EML1: variants seen among roughly 807,000 people sequenced by gnomAD.
EML1 encodes echinoderm microtubule-associated protein-like 1.
A neutral mutation model predicts 110.4 loss-of-function variants in EML1; 27 were observed. The ratio of observed to expected loss-of-function variants is 0.24; its 90% CI spans 0.18 to 0.34. The LOEUF (loss-of-function observed/expected upper bound fraction) is 0.34, where lower values mean the gene tolerates loss of function less well. EML1 is among the 10% of genes least tolerant of loss of function. EML1 has a pLI of 1.00. For synonymous variants in EML1, 344 were observed against 385.8 expected (o/e 0.89, Z 1.27); for missense variants, 741 against 1,030.9 (o/e 0.72, Z 3.85).
At chr14:99,878,736 G>C in intron 4 of EML1, 117 bp downstream of exon 4, 1 of 1,415,820 alleles carries the variant, frequency 7.1e-7, no homozygotes, top group South Asian at 1.4e-5. Context: ...TCTTGGAGAA[G>C]AAGACCTTCT....
intron 1 of EML1, among the ~76,000 whole-genome samples, chr14:99,778,710 T>A (rs2057508785): frequency 6.6e-6 from 1 of 152,262 alleles, no homozygotes; most frequent in African/African-American, 2.4e-5. Flanking sequence ...AATGTCTTTA[T>A]TCCACTTGCA....
intron 1 of EML1, among the ~76,000 whole-genome samples, chr14:99,806,061 A>G (rs996287873): frequency 2.6e-5 from 4 of 152,132 alleles, no homozygotes; most frequent in Admixed American, 2.6e-4. Context: ...GAATCACACA[A>G]TATTTGTCTT....
intron 17 of EML1, among the ~76,000 whole-genome samples, chr14:99,924,067 G>A (rs750247522): frequency 4.3e-4 from 65 of 152,320 alleles, no homozygotes; most frequent in Non-Finnish European, 6.9e-4. Context: ...CTCTTATCAT[G>A]AGCAAAGACT....
intron 6 of EML1, among the ~76,000 whole-genome samples, chr14:99,895,429 G>T (rs571359890): frequency 6.6e-6 from 1 of 152,192 alleles, no homozygotes; most frequent in East Asian, 1.9e-4. Context: ...AGGGACAGAT[G>T]GAAAACTAGG....
chr14:99,775,754 C>T lies in EML1; in HGVS notation c.-27+1741C>T, dbSNP rs1404136469. 3.9e-5 allele frequency among the ~76,000 whole-genome samples: 6 copies of T among 152,166 alleles called. No homozygotes were observed. In the East Asian group the frequency reaches 1.2e-3, roughly 29 times the overall value. ...TATTTTACTTCACATGATTTTTGCA[C>T]CAATTTGAAAGGCGTGCCTAAGATA... On this transcript the variant is annotated intron_variant, in intron 1 of 22. Coordinates refer to the EML1 transcript ENST00000327921.
At chr14:99,852,660 A>G (rs2058831792) in intron 2 of EML1, among the ~76,000 whole-genome samples, 1 of 152,252 alleles carries the variant, frequency 6.6e-6, no homozygotes, top group Non-Finnish European at 1.5e-5. Context: ...TTAACAAATT[A>G]TTTCACAGTT....
At chr14:99,871,958 C>T (rs1293457306) in intron 3 of EML1, among the ~76,000 whole-genome samples, 1 of 152,166 alleles carries the variant, frequency 6.6e-6, no homozygotes, top group Admixed American at 6.5e-5. Context: ...CCATTGTGCT[C>T]GGCTGCTTCC....
intron 1 of EML1, among the ~76,000 whole-genome samples, chr14:99,810,240 T>G (rs1484920361): frequency 6.6e-6 from 1 of 152,220 alleles, no homozygotes; most frequent in Non-Finnish European, 1.5e-5. Context: ...TCCAGGCCCA[T>G]GAAAACAAAG....
At chr14:99,860,351 T>C (rs1297759912) in intron 2 of EML1, among the ~76,000 whole-genome samples, 1 of 152,210 alleles carries the variant, frequency 6.6e-6, no homozygotes, top group Non-Finnish European at 1.5e-5. Context: ...TCCATTTACC[T>C]TAGCACATGA....
At chr14:99,903,402 A>T (rs2059791877) in intron 9 of EML1, among the ~76,000 whole-genome samples, 1 of 152,164 alleles carries the variant, frequency 6.6e-6, no homozygotes, top group African/African-American at 2.4e-5. Flanking sequence ...TTAAAGGCCT[A>T]TATCTGATTA....
chr14:99,804,194 C>A (rs1188536951), intron 1 of EML1, among the ~76,000 whole-genome samples: 1 of 152,120 alleles, frequency 6.6e-6, no homozygotes, highest in Non-Finnish European at 1.5e-5. Context: ...TATAAAAATA[C>A]GTGTTCAGAT....
intron 1 of EML1, among the ~76,000 whole-genome samples, chr14:99,756,761 G>T (rs990981014): frequency 6.6e-6 from 1 of 152,032 alleles, no homozygotes; most frequent in South Asian, 2.1e-4. Flanking sequence ...TGTGATTCCC[G>T]TGCCCCCAGC....
At chr14:99,738,060 A>G (rs929460630) in intron 1 of EML1, among the ~76,000 whole-genome samples, 1 of 152,108 alleles carries the variant, frequency 6.6e-6, no homozygotes, top group Non-Finnish European at 1.5e-5. Flanking sequence ...ACACCCCCTG[A>G]CTGCCCAGTG....
intron 17 of EML1, among the ~76,000 whole-genome samples, chr14:99,927,152 T>C (rs1184740215): frequency 2.6e-5 from 4 of 152,226 alleles, no homozygotes; most frequent in Non-Finnish European, 5.9e-5. Flanking sequence ...GTTCCAGTTT[T>C]CAATTTACTT....
intron 1 of EML1, among the ~76,000 whole-genome samples, chr14:99,759,719 C>T (rs2057293783): frequency 6.6e-6 from 1 of 152,228 alleles, no homozygotes; most frequent in South Asian, 2.1e-4. Flanking sequence ...TTCCTGTCTC[C>T]AGCCTGTGCT....
At position 99,808,303 on chromosome 14, in the gene EML1, G is replaced by A. The variant is rs148916687; in HGVS notation, c.67+14760G>A. ...AGTTTGTCTCCAGTACATTCTTGTT[G>A]AATGAAAAATCAGATGCTGAAATTA... On this transcript the variant is annotated intron_variant, in intron 1 of 21. Coordinates refer to ENST00000262233, the MANE Select transcript of EML1 (RefSeq NM_004434.3). Among the ~76,000 whole-genome samples, 164 of 152,280 alleles carry A rather than the reference G, an allele frequency of 1.1e-3. 3 individuals are homozygous for A. Among genetic ancestry groups the A allele is most frequent in the South Asian group, 3.9e-3 (19 of 4,818 alleles).
intron 17 of EML1, among the ~76,000 whole-genome samples, chr14:99,931,784 A>G (rs940661767): frequency 6.6e-6 from 1 of 152,142 alleles, no homozygotes; most frequent in African/African-American, 2.4e-5. Context: ...TTGTTTTTAT[A>G]TATTTATGGA....
At chr14:99,913,180 T>TTAA (rs2059974469) in intron 13 of EML1, among the ~76,000 whole-genome samples, 2 of 151,920 alleles carry the variant, frequency 1.3e-5, no homozygotes, top group Non-Finnish European at 1.5e-5. Context: ...ATTATTATTA[T>TTAA]TATTAATTAT....
chr14:99,744,961 T>C (rs1000543656), intron 1 of EML1, among the ~76,000 whole-genome samples: 1 of 152,226 alleles, frequency 6.6e-6, no homozygotes, highest in Non-Finnish European at 1.5e-5. Flanking sequence ...GGGGAAATGA[T>C]GAGAAGAGCG....
Sources: gnomAD v4.1 joint callset for allele counts (sites outside exome capture counted in the v4.1 genomes callset) on GRCh38, gnomAD v4.1.1 for gene constraint, MANE v1.5 for transcripts, NCBI Gene and HGNC (gene_info 2026-07-23, HGNC 2026-07-21) for gene names.